ZFHX3: variants seen among roughly 807,000 people sequenced by gnomAD.
ZFHX3 encodes zinc finger homeobox protein 3.
Under a neutral mutation model 279.1 loss-of-function variants are expected in ZFHX3, and 42 were observed. That is an observed-to-expected ratio of 0.15 (90% CI 0.12 to 0.19). The LOEUF is 0.19. Among genes scored for constraint, ZFHX3 ranks in the 10% least tolerant of loss-of-function variants. ZFHX3 has a pLI of 1.00. For missense variants in ZFHX3, 4,981 were observed against 4,754.0 expected, an observed-to-expected ratio of 1.05 and a Z score of -1.40; for synonymous variants, 2,293 against 1,957.8, an observed-to-expected ratio of 1.17 and a Z score of -4.52.
At chr16:72,815,534 G>A (rs1246710756) in intron 5 of ZFHX3, among the ~76,000 whole-genome samples, 1 of 152,170 alleles carries the variant, frequency 6.6e-6, no homozygotes, top group Non-Finnish European at 1.5e-5. Context: ...AAGGGCCAGA[G>A]TCTCAGAATC....
chr16:73,862,999 T>A lies in ZFHX3; in HGVS notation c.-1608+28652A>T, dbSNP rs1961921668. ...AGGCTGAGGTGCATGGATCAGAAGGTCAGGAGACCAGCCTGGCCAACATAC... is the reference window on the plus strand; with the variant it reads ...AGGCTGAGGTGCATGGATCAGAAGGACAGGAGACCAGCCTGGCCAACATAC... On this transcript the variant is annotated intron_variant, in intron 1 of 17. Transcript: ENST00000641206. Among the ~76,000 whole-genome samples, 5 of 58,076 alleles carry A rather than the reference T, an allele frequency of 8.6e-5. No homozygotes were observed. The South Asian group carries it at 3.0e-3, about 35-fold the overall frequency. The allele number at this position is 58,076 out of a possible 152,430, so 38.1% of individuals were successfully genotyped here. A position where few individuals can be genotyped will look rare whatever the true frequency, so the allele number is the denominator to read the frequency against.
intron 3 of ZFHX3, among the ~76,000 whole-genome samples, chr16:72,895,898 T>C (rs937558166): frequency 6.6e-6 from 1 of 152,124 alleles, no homozygotes; most frequent in South Asian, 2.1e-4. Flanking sequence ...GATAGACGGA[T>C]AGATAGGTAA....
chr16:73,247,337 C>G (rs917773237), intron 5 of ZFHX3, among the ~76,000 whole-genome samples: 1 of 149,922 alleles, frequency 6.7e-6, no homozygotes, highest in African/African-American at 2.5e-5. Context: ...TGTGTGTATA[C>G]TGTGTATATA....
intron 5 of ZFHX3, among the ~76,000 whole-genome samples, chr16:73,235,078 T>C (rs2012899340): frequency 6.6e-6 from 1 of 152,238 alleles, no homozygotes; most frequent in Admixed American, 6.5e-5. Flanking sequence ...TTTATTTATT[T>C]ACTTTTTTTG....
intron 1 of ZFHX3, among the ~76,000 whole-genome samples, chr16:73,009,731 C>T (rs1963844445): frequency 6.6e-6 from 1 of 152,030 alleles, no homozygotes. Context: ...TTAAGAAACT[C>T]ACAAAGGGGC....
chr16:73,148,562 T>C (rs1966879347), intron 5 of ZFHX3, among the ~76,000 whole-genome samples: 1 of 138,266 alleles, frequency 7.2e-6, no homozygotes, highest in Admixed American at 7.2e-5. Context: ...GGGCTTTTTT[T>C]TTTTTTTTTT....
At chr16:73,239,112 G>T (rs940786272) in intron 5 of ZFHX3, among the ~76,000 whole-genome samples, 1 of 152,098 alleles carries the variant, frequency 6.6e-6, no homozygotes, top group African/African-American at 2.4e-5. Context: ...AATAAACTGG[G>T]TGCTTAATAA....
chr16:73,399,545 C>T (rs2017204040), intron 3 of ZFHX3, among the ~76,000 whole-genome samples: 1 of 152,106 alleles, frequency 6.6e-6, no homozygotes, highest in South Asian at 2.1e-4. Flanking sequence ...CTCTAAGATG[C>T]GTTTTCACAA....
chr16:73,662,029 A>G (rs937354598), intron 2 of ZFHX3, among the ~76,000 whole-genome samples: 1 of 148,498 alleles, frequency 6.7e-6, no homozygotes, highest in Non-Finnish European at 1.5e-5. Context: ...TTAAGAAAGA[A>G]TCATGTTACA....
chr16:73,494,193 C>T (rs2019098532), intron 2 of ZFHX3, among the ~76,000 whole-genome samples: 1 of 152,086 alleles, frequency 6.6e-6, no homozygotes, highest in South Asian at 2.1e-4. Context: ...TTAGTCAATT[C>T]GTTCAGGTCC....
intron 1 of ZFHX3, among the ~76,000 whole-genome samples, chr16:73,717,942 C>T (rs535579627): frequency 2.0e-5 from 3 of 152,314 alleles, no homozygotes; most frequent in East Asian, 3.9e-4. Context: ...GAATGAAAAG[C>T]GGCCTGTTTG....
intron 3 of ZFHX3, among the ~76,000 whole-genome samples, chr16:72,913,092 C>T (rs2039359428): frequency 6.6e-6 from 1 of 152,190 alleles, no homozygotes. Flanking sequence ...TCTGAAATAA[C>T]ATTAGATTTA....
intron 3 of ZFHX3, among the ~76,000 whole-genome samples, chr16:72,940,494 G>C: frequency 6.6e-6 from 1 of 152,098 alleles, no homozygotes; most frequent in East Asian, 1.9e-4. Context: ...CATTCTGAGG[G>C]GCAGCAGGAA....
At chr16:73,835,451 T>A in intron 1 of ZFHX3, among the ~76,000 whole-genome samples, 1 of 133,054 alleles carries the variant, frequency 7.5e-6, no homozygotes. Context: ...CCACCATCCC[T>A]CTTCTGCTTT....
chr16:73,600,294 AC>A (rs1235441247), intron 2 of ZFHX3, among the ~76,000 whole-genome samples: 1 of 152,130 alleles, frequency 6.6e-6, no homozygotes, highest in Non-Finnish European at 1.5e-5. Flanking sequence ...AAGAGATGGT[AC>A]CTGGGACATC....
At position 73,731,697 on chromosome 16, in the gene ZFHX3, G is replaced by C. The variant is rs902534141; in HGVS notation, c.-1607-51457C>G. ...TTAAGAAAAGTTTCTGAAATAAGAA[G>C]TGACAGGCTACAATAAGAAAATGCA... is the stretch of plus-strand genomic sequence containing the variant. On this transcript the variant is annotated intron_variant, in intron 1 of 17. Coordinates refer to the ZFHX3 transcript ENST00000641206. Among the ~76,000 whole-genome samples the C allele has an allele frequency of 3.1e-4, 47 of 152,118 alleles. 1 individual carries two copies. Among genetic ancestry groups the C allele is most frequent in the Admixed American group, 2.9e-3 (45 of 15,260 alleles).
intron 1 of ZFHX3, among the ~76,000 whole-genome samples, chr16:73,001,509 G>C (rs993282166): frequency 1.8e-4 from 27 of 152,100 alleles, no homozygotes; most frequent in Non-Finnish European, 2.9e-4. Context: ...TCTCCATTTT[G>C]CAAATGAAAA....
At chr16:73,553,845 A>G (rs1259955529) in intron 2 of ZFHX3, among the ~76,000 whole-genome samples, 2 of 152,214 alleles carry the variant, frequency 1.3e-5, no homozygotes, top group Admixed American at 1.3e-4. Flanking sequence ...AGGGGGTCTA[A>G]GGAAGAAATG....
At chr16:73,739,725 A>G (rs1225535524) in intron 1 of ZFHX3, among the ~76,000 whole-genome samples, 2 of 152,178 alleles carry the variant, frequency 1.3e-5, no homozygotes, top group South Asian at 2.1e-4. Context: ...CTGAAGGCCA[A>G]ACAATCAGTT....
Sources: allele counts gnomAD v4.1 joint callset (sites outside exome capture counted in the v4.1 genomes callset), GRCh38; gene constraint gnomAD v4.1.1; transcripts MANE v1.5; gene names NCBI Gene and HGNC (gene_info 2026-07-23, HGNC 2026-07-21).